SRSF7: variants seen among roughly 807,000 people sequenced by gnomAD.
SRSF7 encodes the protein serine/arginine-rich splicing factor 7.
A neutral mutation model predicts 42.2 loss-of-function variants in SRSF7; 15 were observed. The observed-to-expected ratio is 0.36, with a 90% CI of 0.24 to 0.55. SRSF7 has a LOEUF of 0.55. SRSF7 is among the 20% of genes least tolerant of loss of function. SRSF7 has a pLI of 0.88. For synonymous variants in SRSF7, 138 were observed against 107.9 expected, an observed-to-expected ratio of 1.28 and a Z score of -1.73; for missense variants, 181 against 305.9, an observed-to-expected ratio of 0.59 and a Z score of 3.04.
At chr2:38,750,304 T>A in intron 1 of SRSF7, 110 bp from the exon 2 acceptor site, 1 of 926,764 alleles carries the variant, frequency 1.1e-6, no homozygotes, top group Non-Finnish European at 1.6e-6. Context: ...AAAGCACATT[T>A]AATGCCCTCT....
chr2:38,750,200 T>C lies in SRSF7; in HGVS notation c.29-6A>G. ...ACCAACATACACCTTGGTTTCTGTT[T>C]AAAAACGCAAATAGAAGAATGCACG... is the stretch of plus-strand genomic sequence containing the variant. On this transcript the variant is annotated splice_polypyrimidine_tract_variant and splice_region_variant and intron_variant, in intron 1 of 7. Coordinates refer to ENST00000313117, the MANE Select transcript of SRSF7 (RefSeq NM_001031684.3). The C allele has an allele frequency of 3.2e-6, 5 of 1,585,702 alleles. No homozygotes were observed. The highest frequency in any genetic ancestry group is 2.6e-6 in the Non-Finnish European group (3 of 1,169,924).
intron 6 of SRSF7, 27 bp downstream of exon 6, chr2:38,746,667 A>C (rs745306108): frequency 6.2e-7 from 1 of 1,612,002 alleles, no homozygotes; most frequent in African/African-American, 1.3e-5. Flanking sequence ...ATATAACTAG[A>C]AAAGCATAAT....
In SRSF7 at chr2:38,751,271, G is replaced by T; in HGVS notation, c.-15C>A. The T allele has an allele frequency of 6.2e-7, 1 of 1,614,114 alleles. No individual in the cohort carries two copies. Among genetic ancestry groups the T allele is most frequent in the South Asian group, 1.1e-5 (1 of 91,078 alleles). ...TAACGCGACATGATGACAGACCCGC[G>T]TGCTCGGCTCTTTAGCAAGCAGCGC... On this transcript the variant is annotated 5_prime_UTR_variant, in exon 1 of 8. Transcript: ENST00000313117.
intron 5 of SRSF7, among the ~76,000 whole-genome samples, chr2:38,747,835 C>A (rs1273440655): frequency 6.6e-6 from 1 of 152,200 alleles, no homozygotes; most frequent in Non-Finnish European, 1.5e-5. Context: ...CCCTTGTCTA[C>A]CACACGGCCT....
chr2:38,749,075 A>G, intron 3 of SRSF7: 1 of 1,307,666 alleles, frequency 7.6e-7, no homozygotes. Flanking sequence ...TCTAGTTGGG[A>G]ATGTGGTCAA....
Position 38,750,198 on chromosome 2 carries a change from T to G in SRSF7, c.29-4A>C, listed in dbSNP as rs970271360. On this transcript the variant is annotated splice_polypyrimidine_tract_variant and splice_region_variant and intron_variant, in intron 1 of 7. Transcript: ENST00000313117. Reference sequence around the variant, plus strand: ...TTACCAACATACACCTTGGTTTCTGTTTAAAAACGCAAATAGAAGAATGCA... The same window carrying G: ...TTACCAACATACACCTTGGTTTCTGGTTAAAAACGCAAATAGAAGAATGCA... 9 of 1,585,916 alleles carry G rather than the reference T, an allele frequency of 5.7e-6. No individual in the cohort carries two copies. The African/African-American group carries it at 1.1e-4, about 19-fold the overall frequency.
chr2:38,749,425 C>G, intron 3 of SRSF7, 104 bp downstream of exon 3: 1 of 1,562,910 alleles, frequency 6.4e-7, no homozygotes, highest in Non-Finnish European at 8.7e-7. Context: ...TACACCTGTA[C>G]AATTAACATT....
At chr2:38,749,053 C>A in intron 3 of SRSF7, 1 of 1,306,122 alleles carries the variant, frequency 7.7e-7, no homozygotes, top group South Asian at 1.2e-5. Context: ...TTGATTGACG[C>A]AAGAAGATTT....
At chr2:38,749,884 C>G (rs1467866697) in intron 2 of SRSF7, 130 bp downstream of exon 2, 8 of 1,281,946 alleles carry the variant, frequency 6.2e-6, no homozygotes, top group Middle Eastern at 2.7e-4. Flanking sequence ...CTTCGTGTGC[C>G]TTTAGCATTT....
chr2:38,746,909 C>T (rs3755023), intron 5 of SRSF7, 162 bp from the exon 6 acceptor site: 1 of 1,242,060 alleles, frequency 8.1e-7, no homozygotes, highest in South Asian at 1.5e-5. Context: ...CAAAGTGTTA[C>T]CAGACATAAG....
At chr2:38,750,501 C>T (rs1035878542) in intron 1 of SRSF7, among the ~76,000 whole-genome samples, 1 of 151,738 alleles carries the variant, frequency 6.6e-6, no homozygotes. Flanking sequence ...TGAGTCCCGG[C>T]AGCCCCGGGC....
intron 7 of SRSF7, 41 bp from the exon 8 acceptor site, chr2:38,745,228 A>ATTGAAACTCTCAT: frequency 6.2e-7 from 1 of 1,604,598 alleles, no homozygotes; most frequent in South Asian, 1.1e-5. Context: ...ATTAGTGTCA[A>ATTGAAACTCTCAT]TTGAAACTCT....
Position 38,743,909 on chromosome 2 carries a change from T to C in SRSF7, c.*1224A>G. The C allele has an allele frequency of 1.3e-4, 19 of 151,948 alleles. No individual in the cohort carries two copies. Among genetic ancestry groups the C allele is most frequent in the African/African-American group, 4.6e-4 (19 of 41,336 alleles). The allele number at this position is 151,948 out of a possible 1,614,324, so 9.4% of individuals were successfully genotyped here. ...TGCGCAACCAGCAGGTTTTTTTTTT[T>C]TTGTACCAAGGCTAGAGAATGCCTG... On this transcript the variant is annotated 3_prime_UTR_variant, in exon 8 of 8. Coordinates refer to ENST00000313117, the MANE Select transcript of SRSF7 (RefSeq NM_001031684.3).
At chr2:38,746,262 A>G (rs960574952) in intron 6 of SRSF7, 83 bp from the exon 7 acceptor site, 7 of 1,466,884 alleles carry the variant, frequency 4.8e-6, no homozygotes, top group Admixed American at 1.7e-5. Flanking sequence ...AAAACCCCCA[A>G]ATGTCCTAAG....
At chr2:38,749,183 A>T (rs1667922886) in intron 3 of SRSF7, 12 of 1,331,000 alleles carry the variant, frequency 9.0e-6, no homozygotes, top group Non-Finnish European at 1.2e-5. Flanking sequence ...CCTTTAAAGA[A>T]TAAGGTGAAG....
rs771694729 is a variant in SRSF7, at chr2:38,746,920, G to A, written c.573-173C>T. The A allele has an allele frequency of 7.0e-5, 77 of 1,103,762 alleles. No individual in the cohort carries two copies. In the Middle Eastern group the frequency reaches 8.1e-4, roughly 12 times the overall value. 68.4% of individuals were successfully genotyped at this position (1,103,762 alleles called of 1,614,324 possible). A position where few individuals can be genotyped will look rare whatever the true frequency, so the allele number is the denominator to read the frequency against. ...CAAACAAAGTGTTACCAGACATAAG[G>A]AACCCCCATTTCAATTACTTGTTTC... is the stretch of plus-strand genomic sequence containing the variant. On this transcript the variant is annotated intron_variant, in intron 5 of 7. Coordinates refer to ENST00000313117, the MANE Select transcript of SRSF7 (RefSeq NM_001031684.3).
chr2:38,748,185 C>G (rs1667762274), intron 4 of SRSF7, 28 bp from the exon 5 acceptor site: 1 of 1,556,352 alleles, frequency 6.4e-7, no homozygotes, highest in East Asian at 2.3e-5. Flanking sequence ...AAGTCCATCT[C>G]CACAGTTTTT....
At chr2:38,748,545 A>G (rs773001452) in intron 4 of SRSF7, 34 bp downstream of exon 4, 13 of 1,599,564 alleles carry the variant, frequency 8.1e-6, no homozygotes, top group Non-Finnish European at 1.0e-5. Flanking sequence ...ATTTAATAAT[A>G]ATACAGAAAG....
chr2:38,751,304 T>G lies in SRSF7; in HGVS notation c.-48A>C. ...CTCTTTAGCAAGCAGCGCCCAGGGC[T>G]CGAGTGACGCAAAAGCTGACACACA... On this transcript the variant is annotated 5_prime_UTR_variant, in exon 1 of 8. Transcript: ENST00000313117. 1 of 1,613,480 alleles carries G rather than the reference T, an allele frequency of 6.2e-7. No individual in the cohort carries two copies. Among genetic ancestry groups the G allele is most frequent in the South Asian group, 1.1e-5 (1 of 91,070 alleles).
Sources: gnomAD v4.1 joint callset for allele counts (sites outside exome capture counted in the v4.1 genomes callset) on GRCh38, gnomAD v4.1.1 for gene constraint, MANE v1.5 for transcripts, NCBI Gene and HGNC (gene_info 2026-07-23, HGNC 2026-07-21) for gene names.